FIBCD1: variants seen among roughly 807,000 people sequenced by gnomAD.
The protein encoded by FIBCD1 is fibrinogen C domain-containing protein 1.
A neutral mutation model predicts 45.1 loss-of-function variants in FIBCD1; 47 were observed. The observed-to-expected ratio is 1.04, with a 90% CI of 0.82 to 1.33. The LOEUF (loss-of-function observed/expected upper bound fraction) is 1.33, where lower values mean the gene tolerates loss of function less well. Ranked by LOEUF, FIBCD1 falls within the 40% of genes most tolerant of loss-of-function variation. FIBCD1 has a pLI of 0.00. For synonymous variants in FIBCD1, 313 were observed against 308.1 expected (o/e 1.02, Z -0.17); for missense variants, 653 against 682.2 (o/e 0.96, Z 0.48).
intron 2 of FIBCD1, among the ~76,000 whole-genome samples, chr9:130,927,990 C>T (rs918796645): frequency 6.6e-6 from 1 of 152,186 alleles, no homozygotes; most frequent in Admixed American, 6.5e-5. Context: ...GCACCTCTGG[C>T]GATTCCAACC....
In FIBCD1 at chr9:130,903,938, CG is replaced by C. The variant is rs1831878476; in HGVS notation, c.*125del. The C allele has an allele frequency of 7.7e-7, 1 of 1,306,998 alleles. No individual in the cohort carries two copies. Among genetic ancestry groups the C allele is most frequent in the Non-Finnish European group, 1.1e-6 (1 of 926,084 alleles). The allele number at this position is 1,306,998 out of a possible 1,614,324, so 81.0% of individuals were successfully genotyped here. A position where few individuals can be genotyped will look rare whatever the true frequency, so the allele number is the denominator to read the frequency against. On this transcript the variant is annotated 3_prime_UTR_variant, in exon 7 of 7. Coordinates refer to ENST00000372338, the MANE Select transcript of FIBCD1 (RefSeq NM_032843.5). ...AGGGAGCTTCGTGTCAGGGATGGCC[CG>C]GCCCCTCCCTACTGGAGAGTGGGTC...
chr9:130,929,149 C>A (rs111486239), intron 2 of FIBCD1, among the ~76,000 whole-genome samples: 6 of 152,196 alleles, frequency 3.9e-5, no homozygotes, highest in Admixed American at 2.0e-4. Context: ...TGGGGTGCGG[C>A]TCTGAGGGGG....
intron 4 of FIBCD1, among the ~76,000 whole-genome samples, chr9:130,912,582 C>T (rs1027936055): frequency 1.3e-5 from 2 of 151,882 alleles, no homozygotes; most frequent in Admixed American, 6.6e-5. Flanking sequence ...TGGCATGCAC[C>T]TGTAATCCCA....
rs201250176 is a variant in FIBCD1, at chr9:130,924,289, G to A, written c.660C>T (p.Ala220=). ...DRGLGRPRNK[A]DLQRAPARGT... The stretch of plus-strand genomic sequence containing the variant: ...CCCGGGCAGGCGCTCTCTGAAGGTC[G>A]GCCTTGTTGCGGGGCCGGCCCAGCC... The change falls in exon 3 of 7, where the codon GCC becomes GCT. Residue 220 remains alanine, a synonymous_variant. Coordinates refer to ENST00000372338, the MANE Select transcript of FIBCD1 (RefSeq NM_032843.5). The A allele has an allele frequency of 1.4e-4, 227 of 1,603,586 alleles. No homozygotes were observed. Among genetic ancestry groups the A allele is most frequent in the Non-Finnish European group, 1.7e-4 (196 of 1,176,710 alleles).
At position 130,902,465 on chromosome 9, in the gene FIBCD1, C is replaced by G. The variant is rs563669485; in HGVS notation, c.*1599G>C. ...TGCGCATGTGGATGACCTGGTGGCA[C>G]TGGGACAGAGAGCCAGGTCACACGG... is the stretch of plus-strand genomic sequence containing the variant. On this transcript the variant is annotated 3_prime_UTR_variant, in exon 7 of 7. Coordinates refer to ENST00000372338, the MANE Select transcript of FIBCD1 (RefSeq NM_032843.5). 9 of 152,384 alleles carry G rather than the reference C, an allele frequency of 5.9e-5. No homozygotes were observed. Among genetic ancestry groups the G allele is most frequent in the African/African-American group, 2.2e-4 (9 of 41,574 alleles). 9.4% of individuals were successfully genotyped at this position (152,384 alleles called of 1,614,324 possible).
At chr9:130,919,286 G>A (rs1832218080) in intron 4 of FIBCD1, among the ~76,000 whole-genome samples, 1 of 152,238 alleles carries the variant, frequency 6.6e-6, no homozygotes, top group African/African-American at 2.4e-5. Flanking sequence ...CATTATGAAT[G>A]TGTGTGTGCT....
In FIBCD1 at chr9:130,905,385, T is replaced by C; in HGVS notation, c.975A>G (p.Thr325=). Reference sequence around the variant, plus strand: ...CCACGTGCAGCTCGTAGGCAGCCTGTGTGGTCAGGGCGTGGATCCTCTTGA... The same window carrying C: ...CCACGTGCAGCTCGTAGGCAGCCTGCGTGGTCAGGGCGTGGATCCTCTTGA... The part of the protein sequence containing the change: ...LGLKRIHALT[T]QAAYELHVDL... The change falls in exon 6 of 7, where the codon ACA becomes ACG. Residue 325 remains threonine (T), a synonymous_variant. Coordinates refer to ENST00000372338, the MANE Select transcript of FIBCD1 (RefSeq NM_032843.5). 3 of 1,613,774 alleles carry C rather than the reference T, an allele frequency of 1.9e-6. No individual in the cohort carries two copies. The highest frequency in any genetic ancestry group is 2.5e-6 in the Non-Finnish European group (3 of 1,179,902).
upstream of FIBCD1, among the ~76,000 whole-genome samples, chr9:130,939,442 C>T (rs533652791): frequency 6.6e-6 from 1 of 152,256 alleles, no homozygotes; most frequent in African/African-American, 2.4e-5. Flanking sequence ...GGGTCTCCAG[C>T]CCCCGGGGAC....
intron 4 of FIBCD1, among the ~76,000 whole-genome samples, chr9:130,912,513 C>A (rs780950177): frequency 6.6e-5 from 10 of 151,826 alleles, no homozygotes; most frequent in Admixed American, 2.6e-4. Flanking sequence ...TCGAGACCAG[C>A]CTGGTCAACG....
intron 5 of FIBCD1, among the ~76,000 whole-genome samples, chr9:130,906,756 C>T (rs781645504): frequency 2.0e-5 from 3 of 152,236 alleles, no homozygotes; most frequent in Non-Finnish European, 4.4e-5. Context: ...GGACGGCACT[C>T]GCAAGGGCCC....
intron 4 of FIBCD1, among the ~76,000 whole-genome samples, chr9:130,921,856 C>G (rs1028081528): frequency 6.6e-6 from 1 of 152,242 alleles, no homozygotes; most frequent in Non-Finnish European, 1.5e-5. Context: ...TTTAAAAGCT[C>G]TCCTCTGGAG....
rs139428970 is a variant in FIBCD1, at chr9:130,937,170, A to G, written c.72+1366T>C. Among the ~76,000 whole-genome samples the G allele has an allele frequency of 8.9e-3, 1,354 of 152,124 alleles. 10 individuals carry two copies. Among genetic ancestry groups the G allele is most frequent in the Admixed American group, 0.015 (233 of 15,294 alleles). On this transcript the variant is annotated intron_variant, in intron 1 of 6. Transcript: ENST00000372338. The stretch of plus-strand genomic sequence containing the variant: ...TTGGAGGACAGGTCTAGAAGTTAAG[A>G]CAGTTCTTGCTAAGGGGGAGAAGTC...
Position 130,938,637 on chromosome 9 carries a change from C to A in FIBCD1, c.-30G>T, listed in dbSNP as rs1012346336. On this transcript the variant is annotated 5_prime_UTR_variant, in exon 1 of 7. Coordinates refer to ENST00000372338, the MANE Select transcript of FIBCD1 (RefSeq NM_032843.5). ...CGGCAGGACTGGCGGGGGCGCCGGG[C>A]GAGGCGCGCCGCTGCGGAGCGCAAA... is the stretch of plus-strand genomic sequence containing the variant. The A allele has an allele frequency of 3.6e-6, 5 of 1,396,486 alleles. No individual in the cohort carries two copies. The highest frequency in any genetic ancestry group is 3.0e-5 in the African/African-American group (2 of 66,226). 86.5% of individuals were successfully genotyped at this position (1,396,486 alleles called of 1,614,324 possible). A position where few individuals can be genotyped will look rare whatever the true frequency, so the allele number is the denominator to read the frequency against.
At chr9:130,906,773 G>T (rs956407873) in intron 5 of FIBCD1, among the ~76,000 whole-genome samples, 2 of 152,218 alleles carry the variant, frequency 1.3e-5, no homozygotes, top group Non-Finnish European at 2.9e-5. Flanking sequence ...GCCCAGCACC[G>T]TTCTCAGCCC....
At chr9:130,914,830 C>T (rs890255654) in intron 4 of FIBCD1, among the ~76,000 whole-genome samples, 3 of 152,216 alleles carry the variant, frequency 2.0e-5, no homozygotes, top group Non-Finnish European at 4.4e-5. Context: ...GCTGTTCCTG[C>T]CCCTGCGTCC....
At chr9:130,909,275 C>T (rs1831994634) in intron 5 of FIBCD1, among the ~76,000 whole-genome samples, 2 of 151,572 alleles carry the variant, frequency 1.3e-5, no homozygotes, top group African/African-American at 2.4e-5. Flanking sequence ...CGCCGCCCCT[C>T]GCCCCCAACC....
intron 4 of FIBCD1, among the ~76,000 whole-genome samples, chr9:130,916,962 G>A (rs1254756255): frequency 1.3e-5 from 2 of 152,196 alleles, no homozygotes; most frequent in African/African-American, 4.8e-5. Flanking sequence ...GCTGGGTGTG[G>A]TGGCAGGCGC....
chr9:130,929,615 C>T lies in FIBCD1; in HGVS notation c.504G>A (p.Leu168=). 1 of 1,531,732 alleles carries T rather than the reference C, an allele frequency of 6.5e-7. No homozygotes were observed. 94.9% of individuals were successfully genotyped at this position (1,531,732 alleles called of 1,614,324 possible). A position where few individuals can be genotyped will look rare whatever the true frequency, so the allele number is the denominator to read the frequency against. ...CMGLRKGHGT[L]GQGLSALQSE... Reference sequence around the variant, plus strand: ...TCTGCAGGGCGCTGAGGCCCTGGCCCAGCGTGCCATGCCCCTTCCGCAGCC... The same window carrying T: ...TCTGCAGGGCGCTGAGGCCCTGGCCTAGCGTGCCATGCCCCTTCCGCAGCC... Residue 168 remains leucine, a synonymous_variant, in exon 2 of 7, where the codon CTG becomes CTA. Transcript: ENST00000372338.
rs1322314096 is a variant in FIBCD1 at position 130,923,802 on chromosome 9, T to C, written c.791A>G (p.His264Arg). 6.2e-7 allele frequency: 1 copy of C among 1,612,538 alleles called. No homozygotes were observed. The highest frequency in any genetic ancestry group is 1.7e-5 in the Admixed American group (1 of 59,978). ...DDGVYSVFPT[H>R]YPAGFQVYCD... ...GTACACCTGGAAGCCGGCCGGGTAG[T>C]GGGTGGGAAAGACAGAGTAGACGCC... Residue 264 changes from histidine to arginine, a missense_variant, in exon 4 of 7, where the codon CAC (histidine) becomes CGC (arginine). By Grantham distance (29) the His-to-Arg change is conservative (BLOSUM62 0). Coordinates refer to ENST00000372338, the MANE Select transcript of FIBCD1 (RefSeq NM_032843.5).
Sources: gnomAD v4.1 joint callset for allele counts (sites outside exome capture counted in the v4.1 genomes callset) on GRCh38, gnomAD v4.1.1 for gene constraint, MANE v1.5 for transcripts, NCBI Gene and HGNC (gene_info 2026-07-23, HGNC 2026-07-21) for gene names.